The following NLN variants were observed in gnomAD, a reference collection of about 807,000 sequenced individuals.
The protein encoded by NLN is neurolysin, also known as neurolysin, mitochondrial.
A neutral mutation model predicts 79.9 loss-of-function variants in NLN; 64 were observed. The observed-to-expected ratio is 0.80, with a 90% CI of 0.65 to 0.99. The LOEUF (loss-of-function observed/expected upper bound fraction) is 0.99. NLN is among the 50% of genes least tolerant of loss of function. The pLI is 0.00. For synonymous variants in NLN, 267 were observed against 296.6 expected, an observed-to-expected ratio of 0.90 and a Z score of 1.02; for missense variants, 835 against 858.7, an observed-to-expected ratio of 0.97 and a Z score of 0.34.
At position 65,738,968 on chromosome 5, in the gene NLN, TAA is replaced by T. The variant is rs1273123085; in HGVS notation, c.41+16556_41+16557del. Among the ~76,000 whole-genome samples the T allele has an allele frequency of 5.8e-3, 376 of 65,116 alleles. 6 individuals carry two copies. Among genetic ancestry groups the T allele is most frequent in the African/African-American group, 0.026 (361 of 14,084 alleles). 42.7% of individuals were successfully genotyped at this position (65,116 alleles called of 152,430 possible). A position where few individuals can be genotyped will look rare whatever the true frequency, so the allele number is the denominator to read the frequency against. ...ATATATGTTTATATATATGTATATA[TAA>T]ATATATATATTATATATTTATATAT... On this transcript the variant is annotated intron_variant, in intron 1 of 12. Transcript: ENST00000380985.
chr5:65,752,835 G>A (rs1759129247), intron 1 of NLN, among the ~76,000 whole-genome samples: 1 of 152,190 alleles, frequency 6.6e-6, no homozygotes, highest in South Asian at 2.1e-4. Flanking sequence ...AACAAGAACT[G>A]TGAATCCTGA....
chr5:65,761,988 C>T (rs1232600042), intron 2 of NLN, among the ~76,000 whole-genome samples: 2 of 152,158 alleles, frequency 1.3e-5, no homozygotes, highest in Non-Finnish European at 2.9e-5. Flanking sequence ...ATAACACAAC[C>T]ATCACTATAA....
rs775731385 is a variant in NLN at position 65,777,535 on chromosome 5, G to A, written c.558+1G>A. 3 of 1,515,208 alleles carry A rather than the reference G, an allele frequency of 2.0e-6. No individual in the cohort carries two copies. The highest frequency in any genetic ancestry group is 2.4e-5 in the South Asian group (2 of 84,982). The allele number at this position is 1,515,208 out of a possible 1,614,324, so 93.9% of individuals were successfully genotyped here. On this transcript the variant is annotated splice_donor_variant, in intron 4 of 12. Coordinates refer to ENST00000380985, the MANE Select transcript of NLN (RefSeq NM_020726.5). LOFTEE classifies it high-confidence loss of function. Reference sequence around the variant, plus strand: ...CCATCTTCCTGAACAAGTACAGAATGTGAGTTTATGTTTTCTTTTCTTATC... The same window carrying A: ...CCATCTTCCTGAACAAGTACAGAATATGAGTTTATGTTTTCTTTTCTTATC...
In NLN at chr5:65,785,784, A is replaced by G. The variant is rs145084535; in HGVS notation, c.832A>G (p.Ile278Val). The change falls in exon 7 of 13, where the codon ATA becomes GTA. Residue 278 changes from isoleucine to valine, a missense_variant. By Grantham distance (29) the Ile-to-Val change is conservative. Transcript: ENST00000380985. ...FNTRCKEENT[I>V]ILQQLLPLRT... ...TGTTGTTTATTACTAGGAAAACACC[A>G]TAATTTTGCAGCAGCTACTCCCACT... The G allele has an allele frequency of 7.4e-6, 12 of 1,613,714 alleles. No homozygotes were observed. The Admixed American group carries it at 1.8e-4, about 25-fold the overall frequency.
At chr5:65,739,937 C>T (rs1344417052) in intron 1 of NLN, among the ~76,000 whole-genome samples, 3 of 151,858 alleles carry the variant, frequency 2.0e-5, no homozygotes, top group Non-Finnish European at 4.4e-5. Flanking sequence ...ATATTTCCTC[C>T]CATTCTATAG....
rs796235658 is a variant in NLN, at chr5:65,751,760, AT to A, written c.42-6804del. Among the ~76,000 whole-genome samples the A allele has an allele frequency of 4.7e-4, 71 of 152,330 alleles. 1 individual carries two copies. Among genetic ancestry groups the A allele is most frequent in the Admixed American group, 3.2e-3 (49 of 15,294 alleles). On this transcript the variant is annotated intron_variant, in intron 1 of 12. Transcript: ENST00000380985. ...AACTCAGAATAACTATGGCATACTTATTTGTCCAAATGAAATTCTGTAACCT... is the reference window on the plus strand; with the variant it reads ...AACTCAGAATAACTATGGCATACTTATTGTCCAAATGAAATTCTGTAACCT...
At chr5:65,767,705 GCT>G (rs367682911) in intron 3 of NLN, among the ~76,000 whole-genome samples, 7 of 152,146 alleles carry the variant, frequency 4.6e-5, no homozygotes, top group African/African-American at 1.4e-4. Context: ...AAATGTTTAT[GCT>G]CTGTCTTTCC....
intron 9 of NLN, among the ~76,000 whole-genome samples, chr5:65,794,869 A>G (rs1374378908): frequency 6.6e-6 from 1 of 152,170 alleles, no homozygotes; most frequent in East Asian, 1.9e-4. Context: ...ACCTTTGTTT[A>G]AAAACTGGTT....
intron 1 of NLN, chr5:65,733,629 A>G: frequency 6.7e-7 from 1 of 1,491,026 alleles, no homozygotes; most frequent in Non-Finnish European, 9.2e-7. Flanking sequence ...GCCATCTGAG[A>G]AAGTGGACCT....
At chr5:65,765,957 A>G (rs1759442109) in intron 3 of NLN, among the ~76,000 whole-genome samples, 1 of 152,230 alleles carries the variant, frequency 6.6e-6, no homozygotes, top group Non-Finnish European at 1.5e-5. Context: ...ATTACTTTTC[A>G]TAATTCTTCA....
intron 9 of NLN, among the ~76,000 whole-genome samples, chr5:65,807,270 C>T (rs1760434966): frequency 6.6e-6 from 1 of 151,822 alleles, no homozygotes; most frequent in African/African-American, 2.4e-5. Context: ...GATCAGTTAG[C>T]ACCCTGATTA....
rs1209694531 is a variant in NLN at position 65,806,083 on chromosome 5, C to CA, written c.1528-3422dup. ...TAAGCCACTGTTGAGATCTACTACTCAAAAAAAAAAGATTCCTTTCAAAAT... is the reference window on the plus strand; with the variant it reads ...TAAGCCACTGTTGAGATCTACTACTCAAAAAAAAAAAGATTCCTTTCAAAAT... On this transcript the variant is annotated intron_variant, in intron 9 of 12. Transcript: ENST00000380985. Among the ~76,000 whole-genome samples the CA allele has an allele frequency of 5.8e-3, 853 of 148,014 alleles. 10 individuals carry two copies. Among genetic ancestry groups the CA allele is most frequent in the African/African-American group, 0.02 (789 of 40,410 alleles).
intron 3 of NLN, among the ~76,000 whole-genome samples, chr5:65,768,101 C>T (rs910074288): frequency 6.6e-6 from 1 of 152,178 alleles, no homozygotes; most frequent in South Asian, 2.1e-4. Flanking sequence ...CTGTTCCAAC[C>T]TCTGCCCTTG....
chr5:65,792,725 G>T (rs1216345397), intron 9 of NLN, 70 bp downstream of exon 9: 4 of 1,254,988 alleles, frequency 3.2e-6, no homozygotes, highest in Non-Finnish European at 3.5e-6. Context: ...CTGCTGTCAG[G>T]TTTCTGCTCC....
intron 9 of NLN, chr5:65,793,029 T>C (rs772524166): frequency 2.8e-6 from 1 of 357,144 alleles, no homozygotes; most frequent in Non-Finnish European, 5.4e-6. Context: ...TTTACTTTAG[T>C]GGTTTTTCAA....
At chr5:65,777,679 C>T in intron 4 of NLN, 145 bp downstream of exon 4, 3 of 604,178 alleles carry the variant, frequency 5.0e-6, no homozygotes, top group South Asian at 4.4e-5. Context: ...AGGAAATGCT[C>T]ATTGGAGCAT....
chr5:65,810,157 C>T lies in NLN; in HGVS notation c.1835C>T (p.Ala612Val). 1 of 1,613,846 alleles carries T rather than the reference C, an allele frequency of 6.2e-7. No homozygotes were observed. Among genetic ancestry groups the T allele is most frequent in the Non-Finnish European group, 8.5e-7 (1 of 1,179,766 alleles). ...TGCTCAGAAATATTAGGAGTTGCAG[C>T]TACTCCAGGTATGTAACTACTATGA... Reference protein sequence around the residue: ...KYCSEILGVAATPGTNMPATF... With the variant: ...KYCSEILGVAVTPGTNMPATF... The change falls in exon 11 of 13, where the codon GCT (alanine) becomes GTT (valine). Residue 612 changes from alanine to valine, a missense_variant. By Grantham distance (64) the Ala-to-Val change is moderately conservative. Transcript: ENST00000380985.
chr5:65,758,885 A>T, intron 2 of NLN, 59 bp downstream of exon 2: 1 of 1,468,682 alleles, frequency 6.8e-7, no homozygotes, highest in Non-Finnish European at 9.4e-7. Context: ...AAATCATTTC[A>T]TGCTTTCTGT....
intron 9 of NLN, among the ~76,000 whole-genome samples, chr5:65,797,276 G>A (rs1438156234): frequency 1.3e-5 from 2 of 152,156 alleles, no homozygotes; most frequent in Non-Finnish European, 2.9e-5. Context: ...TAAAGATGTC[G>A]TTATTCTAAG....
Sources: allele counts gnomAD v4.1 joint callset (sites outside exome capture counted in the v4.1 genomes callset), GRCh38; gene constraint gnomAD v4.1.1; transcripts MANE v1.5; gene names NCBI Gene and HGNC (gene_info 2026-07-23, HGNC 2026-07-21).